Variants in SERGEF observed in about 807,000 individuals in gnomAD.
The protein encoded by SERGEF is secretion-regulating guanine nucleotide exchange factor.
Under a neutral mutation model 50.0 loss-of-function variants are expected in SERGEF, and 51 were observed. That is an observed-to-expected ratio of 1.02 (90% CI 0.81 to 1.29). The LOEUF (loss-of-function observed/expected upper bound fraction) is 1.29. SERGEF is among the 50% of genes most tolerant of loss of function. The pLI is 0.00. For synonymous variants in SERGEF, 205 were observed against 212.4 expected, an observed-to-expected ratio of 0.97 and a Z score of 0.30; for missense variants, 521 against 557.0, an observed-to-expected ratio of 0.94 and a Z score of 0.65.
At chr11:17,955,989 T>G (rs1017889267) in intron 9 of SERGEF, among the ~76,000 whole-genome samples, 4 of 152,152 alleles carry the variant, frequency 2.6e-5, no homozygotes, top group Non-Finnish European at 5.9e-5. Context: ...TTCACATACA[T>G]CCTGCCCTGA....
chr11:17,791,667 C>T (rs757201710), intron 10 of SERGEF, among the ~76,000 whole-genome samples: 2 of 152,250 alleles, frequency 1.3e-5, no homozygotes, highest in African/African-American at 2.4e-5. Context: ...ATCCCAGCTT[C>T]GCCACTTACT....
intron 8 of SERGEF, among the ~76,000 whole-genome samples, chr11:17,960,705 T>C (rs1433111727): frequency 3.3e-5 from 5 of 152,160 alleles, no homozygotes; most frequent in Non-Finnish European, 2.9e-5. Flanking sequence ...CATAGATTCA[T>C]GGGGAAATGT....
At chr11:17,832,772 T>C (rs951880158) in intron 10 of SERGEF, among the ~76,000 whole-genome samples, 2 of 152,234 alleles carry the variant, frequency 1.3e-5, no homozygotes, top group Non-Finnish European at 1.5e-5. Flanking sequence ...ACTCTTGTTA[T>C]GTTTTAACAA....
At chr11:17,866,144 C>G (rs1318788598) in intron 10 of SERGEF, among the ~76,000 whole-genome samples, 1 of 152,206 alleles carries the variant, frequency 6.6e-6, no homozygotes, top group Non-Finnish European at 1.5e-5. Flanking sequence ...CTTGAGAAAG[C>G]CCCTTGAGAA....
Position 17,884,302 on chromosome 11 carries a change from T to G in SERGEF, c.1012-6058A>C, listed in dbSNP as rs961913798. 6.6e-6 allele frequency among the ~76,000 whole-genome samples: 1 copy of G among 152,168 alleles called. No homozygotes were observed. Among genetic ancestry groups the G allele is most frequent in the Non-Finnish European group, 1.5e-5 (1 of 68,044 alleles). On this transcript the variant is annotated intron_variant, in intron 9 of 10. Coordinates refer to ENST00000265965, the MANE Select transcript of SERGEF (RefSeq NM_012139.4). This position sits in a 1 kb window ranked among gnomAD's most constrained non-coding sequence, Gnocchi z 4.6. ...TGCTCTGTGCCGCACTGCGAGCCCT[T>G]GGCGGGCACAGCCGCCAGGGTGGGA...
intron 9 of SERGEF, among the ~76,000 whole-genome samples, chr11:17,907,296 T>A (rs1045013313): frequency 6.6e-6 from 1 of 152,134 alleles, no homozygotes; most frequent in Non-Finnish European, 1.5e-5. Flanking sequence ...CCCTAGAGAC[T>A]TCAGAGTCTT....
intron 8 of SERGEF, among the ~76,000 whole-genome samples, chr11:17,987,913 CTG>C (rs1853633986): frequency 6.6e-6 from 1 of 152,250 alleles, no homozygotes; most frequent in Admixed American, 6.5e-5. Context: ...CTGGGGAACT[CTG>C]TGAAATCAAC....
intron 9 of SERGEF, among the ~76,000 whole-genome samples, chr11:17,926,073 A>AT (rs1271174097): frequency 6.6e-6 from 1 of 152,178 alleles, no homozygotes; most frequent in Non-Finnish European, 1.5e-5. Context: ...TCAACTGTTA[A>AT]TGTTATTACC....
rs1289345920 is a variant in SERGEF, at chr11:18,007,986, C to T, written c.151G>A (p.Val51Ile). 2 of 1,614,104 alleles carry T rather than the reference C, an allele frequency of 1.2e-6. No individual in the cohort carries two copies. Among genetic ancestry groups the T allele is most frequent in the East Asian group, 4.5e-5 (2 of 44,882 alleles). The part of the protein sequence containing the change: ...QLNDFCKPRS[V>I]RRITGGGGHS... ...CCCCCTCCTCCTGTGATCCTCCTGA[C>T]ACTCCTGGGTTTACAGAAGTCATTC... The change falls in exon 2 of 11, where the codon GTC becomes ATC. Residue 51 changes from valine (V) to isoleucine (I), a missense_variant. Physicochemically the swap from Val to Ile is conservative, Grantham distance 29. Transcript: ENST00000265965.
intron 9 of SERGEF, among the ~76,000 whole-genome samples, chr11:17,947,828 A>C (rs1400153387): frequency 2.0e-5 from 3 of 152,254 alleles, no homozygotes; most frequent in Non-Finnish European, 4.4e-5. Context: ...GAATGTGTTA[A>C]GAATTAAAAG....
At chr11:17,802,225 AT>A (rs1849683324) in intron 10 of SERGEF, among the ~76,000 whole-genome samples, 1 of 152,152 alleles carries the variant, frequency 6.6e-6, no homozygotes, top group South Asian at 2.1e-4. Context: ...GGGACATCTA[AT>A]TTCCAGGTAG....
At chr11:17,893,458 C>T (rs979553782) in intron 9 of SERGEF, among the ~76,000 whole-genome samples, 18 of 152,336 alleles carry the variant, frequency 1.2e-4, no homozygotes, top group Non-Finnish European at 1.9e-4. Flanking sequence ...ACCAATATTA[C>T]TACTTCCATC....
chr11:17,796,727 C>A (rs1370207163), intron 10 of SERGEF, among the ~76,000 whole-genome samples: 5 of 152,172 alleles, frequency 3.3e-5, no homozygotes, highest in Non-Finnish European at 5.9e-5. Context: ...ATTAGTCCAT[C>A]CATCACTCTC....
chr11:17,883,474 T>C (rs765548991), intron 9 of SERGEF, among the ~76,000 whole-genome samples: 2 of 152,358 alleles, frequency 1.3e-5, no homozygotes, highest in Non-Finnish European at 2.9e-5. Context: ...TTACCTATAT[T>C]ATCTCATATA....
intron 10 of SERGEF, among the ~76,000 whole-genome samples, chr11:17,857,078 A>G (rs1393055855): frequency 6.6e-6 from 1 of 152,196 alleles, no homozygotes; most frequent in Non-Finnish European, 1.5e-5. Context: ...ACCCAGAAAC[A>G]AGCCAAGTCA....
At chr11:17,825,210 T>A (rs1850170635) in intron 10 of SERGEF, among the ~76,000 whole-genome samples, 1 of 152,220 alleles carries the variant, frequency 6.6e-6, no homozygotes, top group South Asian at 2.1e-4. Flanking sequence ...GTCCTTGACC[T>A]CTAGGGGCTT....
At chr11:17,825,186 A>G (rs898737249) in intron 10 of SERGEF, among the ~76,000 whole-genome samples, 3 of 152,206 alleles carry the variant, frequency 2.0e-5, no homozygotes, top group South Asian at 2.1e-4. Context: ...GGGACACTAA[A>G]GTAAATGAAA....
intron 9 of SERGEF, among the ~76,000 whole-genome samples, chr11:17,929,720 C>A (rs1852317236): frequency 6.6e-6 from 1 of 152,182 alleles, no homozygotes; most frequent in South Asian, 2.1e-4. Flanking sequence ...TCCTTCAGGT[C>A]TTTTGCAAGG....
chr11:17,874,813 G>A (rs1165441967), intron 10 of SERGEF, among the ~76,000 whole-genome samples: 3 of 152,142 alleles, frequency 2.0e-5, no homozygotes, highest in Non-Finnish European at 4.4e-5. Flanking sequence ...CAGCTATGCT[G>A]AGATCTTGCC....
Sources: allele counts gnomAD v4.1 joint callset (sites outside exome capture counted in the v4.1 genomes callset), GRCh38; gene constraint gnomAD v4.1.1; non-coding constraint Gnocchi (gnomAD v3.1); transcripts MANE v1.5; gene names NCBI Gene and HGNC (gene_info 2026-07-23, HGNC 2026-07-21).